Variants in CORIN observed in about 807,000 individuals in gnomAD.
CORIN encodes atrial natriuretic peptide-converting enzyme.
A neutral mutation model predicts 125.3 loss-of-function variants in CORIN; 117 were observed. The observed-to-expected ratio is 0.93, with a 90% CI of 0.80 to 1.09. The LOEUF is 1.09. Among genes scored for constraint, CORIN ranks in the 50% least tolerant of loss-of-function variants. The pLI, the probability that CORIN is intolerant of heterozygous loss-of-function variation, is 0.00. For synonymous variants in CORIN, 450 were observed against 466.4 expected (o/e 0.96, Z 0.45); for missense variants, 1,253 against 1,306.7 (o/e 0.96, Z 0.63).
chr4:47,796,763 GAATA>G (rs950280760), intron 2 of CORIN, among the ~76,000 whole-genome samples: 24 of 152,010 alleles, frequency 1.6e-4, no homozygotes, highest in Middle Eastern at 3.4e-3. Context: ...CTTAATGAAT[GAATA>G]AATAAACAAA....
At chr4:47,814,080 T>G (rs1732166593) in intron 1 of CORIN, among the ~76,000 whole-genome samples, 1 of 152,162 alleles carries the variant, frequency 6.6e-6, no homozygotes, top group Non-Finnish European at 1.5e-5. Flanking sequence ...ATGTATTGGC[T>G]TGAGACAAAT....
chr4:47,820,991 CT>C (rs1732485316), intron 1 of CORIN, among the ~76,000 whole-genome samples: 1 of 152,102 alleles, frequency 6.6e-6, no homozygotes, highest in Non-Finnish European at 1.5e-5. Flanking sequence ...CATCCCAGCT[CT>C]TTGGGAGGAT....
chr4:47,790,126 T>A, intron 2 of CORIN: 1 of 606,588 alleles, frequency 1.6e-6, no homozygotes, highest in Non-Finnish European at 2.1e-6. Context: ...TATTGTGCTA[T>A]GGTTAAAAGT....
intron 6 of CORIN, among the ~76,000 whole-genome samples, chr4:47,688,191 T>G (rs915216098): frequency 6.6e-6 from 1 of 152,208 alleles, no homozygotes; most frequent in Non-Finnish European, 1.5e-5. Flanking sequence ...CAATCCAGCT[T>G]CTAGTAATCT....
Position 47,595,582 on chromosome 4 carries a change from A to C in CORIN, c.*139T>G. 1.9e-6 allele frequency: 1 copy of C among 529,104 alleles called. No homozygotes were observed. The highest frequency in any genetic ancestry group is 3.2e-6 in the Non-Finnish European group (1 of 310,922). 32.8% of individuals were successfully genotyped at this position (529,104 alleles called of 1,614,324 possible). On this transcript the variant is annotated 3_prime_UTR_variant, in exon 22 of 22. Transcript: ENST00000273857. ...TGAAAAAAATTAGTCCAAAACAAAC[A>C]TGCAAATTTGCAGTGCACGATTGAG...
chr4:47,755,230 T>C (rs1469200616), intron 4 of CORIN, among the ~76,000 whole-genome samples: 6 of 152,170 alleles, frequency 3.9e-5, no homozygotes, highest in Non-Finnish European at 5.9e-5. Flanking sequence ...TTTAGCTAAG[T>C]AGGAATTTAC....
intron 16 of CORIN, among the ~76,000 whole-genome samples, chr4:47,631,113 C>T (rs1416975857): frequency 1.3e-5 from 2 of 152,054 alleles, no homozygotes; most frequent in Non-Finnish European, 2.9e-5. Flanking sequence ...AGAGTGATTC[C>T]TGTGCACTGC....
chr4:47,808,276 T>TA (rs1406273378), intron 1 of CORIN, among the ~76,000 whole-genome samples: 1 of 152,114 alleles, frequency 6.6e-6, no homozygotes, highest in Non-Finnish European at 1.5e-5. Context: ...AAACTTTTTT[T>TA]AAAAAAATGA....
In CORIN at chr4:47,594,483, C is replaced by T. The variant is rs1471532478; in HGVS notation, c.*1238G>A. The T allele has an allele frequency of 6.6e-6, 1 of 152,452 alleles. No homozygotes were observed. The highest frequency in any genetic ancestry group is 2.4e-5 in the African/African-American group (1 of 41,424). 9.4% of individuals were successfully genotyped at this position (152,452 alleles called of 1,614,324 possible). ...GAAAAATACTTTTTACCACTAATTG[C>T]TTCAGAAATTGAGTTGCGTAAAGTG... On this transcript the variant is annotated 3_prime_UTR_variant, in exon 22 of 22. Transcript: ENST00000273857.
At chr4:47,612,611 G>A (rs1721915101) in intron 19 of CORIN, among the ~76,000 whole-genome samples, 1 of 152,164 alleles carries the variant, frequency 6.6e-6, no homozygotes, top group Non-Finnish European at 1.5e-5. Flanking sequence ...CAGAGGAGAT[G>A]AGCAACTCAT....
rs188669481 is a variant in CORIN at position 47,598,231 on chromosome 4, T to C, written c.2946+1983A>G. On this transcript the variant is annotated intron_variant, in intron 21 of 21. Coordinates refer to ENST00000273857, the MANE Select transcript of CORIN (RefSeq NM_006587.4). ...GAGTAACTCACGCTTCATTATGTCC[T>C]GTTGATACAATTAAGGAAAATAATA... Among the ~76,000 whole-genome samples the C allele has an allele frequency of 2.0e-5, 3 of 152,338 alleles. No homozygotes were observed. The East Asian group carries it at 5.8e-4, about 29-fold the overall frequency.
intron 5 of CORIN, among the ~76,000 whole-genome samples, chr4:47,699,294 GTATCTGTGTT>G: frequency 6.6e-6 from 1 of 152,178 alleles, no homozygotes; most frequent in African/African-American, 2.4e-5. Context: ...TTCCTCAGAA[GTATCTGTGTT>G]CCAAGCTAAG....
chr4:47,623,739 C>G lies in CORIN; in HGVS notation c.2372G>C (p.Gly791Ala). ...ISLLCTKQDCGRRPAARMNKR... is the reference protein window; with the variant it reads ...ISLLCTKQDCARRPAARMNKR... ...GTTCATTCGGGCAGCAGGGCGGCGC[C>G]CACAGTCTACCAAGGAGCAGAAGAC... Residue 791 changes from glycine (G) to alanine (A), a missense_variant, in exon 19 of 22, where the codon GGG becomes GCG. Coordinates refer to ENST00000273857, the MANE Select transcript of CORIN (RefSeq NM_006587.4). 1 of 1,614,180 alleles carries G rather than the reference C, an allele frequency of 6.2e-7. No individual in the cohort carries two copies. The highest frequency in any genetic ancestry group is 8.5e-7 in the Non-Finnish European group (1 of 1,180,012).
Position 47,595,619 on chromosome 4 carries a change from A to C in CORIN, c.*102T>G, listed in dbSNP as rs572239466. ...AGTGCACGATTGAGCATTTCTGTCC[A>C]TGAAAAGTGCTTCTGTACAGCTCTC... is the stretch of plus-strand genomic sequence containing the variant. On this transcript the variant is annotated 3_prime_UTR_variant, in exon 22 of 22. Coordinates refer to ENST00000273857, the MANE Select transcript of CORIN (RefSeq NM_006587.4). 4 of 806,970 alleles carry C rather than the reference A, an allele frequency of 5.0e-6. No homozygotes were observed. Among genetic ancestry groups the C allele is most frequent in the Non-Finnish European group, 5.6e-6 (3 of 538,262 alleles). 50.0% of individuals were successfully genotyped at this position (806,970 alleles called of 1,614,324 possible).
intron 13 of CORIN, among the ~76,000 whole-genome samples, chr4:47,647,520 T>G (rs937547642): frequency 6.6e-6 from 1 of 152,098 alleles, no homozygotes; most frequent in Non-Finnish European, 1.5e-5. Flanking sequence ...CAAATAATAA[T>G]AATAATAATG....
chr4:47,794,060 A>C (rs1327879695), intron 2 of CORIN, among the ~76,000 whole-genome samples: 1 of 152,188 alleles, frequency 6.6e-6, no homozygotes. Context: ...TGAATCTGCA[A>C]CAGAAAGCCA....
chr4:47,696,893 G>A (rs1441419685), intron 5 of CORIN, among the ~76,000 whole-genome samples: 1 of 152,118 alleles, frequency 6.6e-6, no homozygotes, highest in Non-Finnish European at 1.5e-5. Flanking sequence ...TTAACTTTTA[G>A]AGTCCTTTTC....
At chr4:47,799,580 A>G (rs556753269) in intron 2 of CORIN, among the ~76,000 whole-genome samples, 5 of 152,256 alleles carry the variant, frequency 3.3e-5, no homozygotes, top group African/African-American at 9.6e-5. Context: ...GCATCTGTTC[A>G]TGTATTTTGC....
At chr4:47,761,480 T>TACACACACACACACACACAC (rs142904418) in intron 4 of CORIN, among the ~76,000 whole-genome samples, 37 of 144,478 alleles carry the variant, frequency 2.6e-4, no homozygotes, top group African/African-American at 7.9e-4. Flanking sequence ...GAAAATGTGA[T>TACACACACACACACACACAC]ACACACACAC....
Sources: allele counts gnomAD v4.1 joint callset (sites outside exome capture counted in the v4.1 genomes callset), GRCh38; gene constraint gnomAD v4.1.1; transcripts MANE v1.5; gene names NCBI Gene and HGNC (gene_info 2026-07-23, HGNC 2026-07-21).